CLVS1: variants seen among roughly 807,000 people sequenced by gnomAD.
CLVS1 encodes the protein clavesin 1.
Under a neutral mutation model 33.1 loss-of-function variants are expected in CLVS1, and 10 were observed. That is an observed-to-expected ratio of 0.30 (90% confidence interval 0.19 to 0.51). The LOEUF is 0.51. CLVS1 is among the 20% of genes least tolerant of loss of function. The pLI is 0.97. For missense variants in CLVS1, 343 were observed against 433.4 expected (o/e 0.79, Z 1.85); for synonymous variants, 163 against 166.1 (o/e 0.98, Z 0.14).
chr8:61,238,311 G>A (rs1452183176), intron 2 of CLVS1, among the ~76,000 whole-genome samples: 5 of 148,666 alleles, frequency 3.4e-5, no homozygotes. Flanking sequence ...CCTTTTCCTT[G>A]CCTCCCCTTC....
intron 3 of CLVS1, among the ~76,000 whole-genome samples, chr8:61,379,397 C>T (rs1210002031): frequency 2.0e-5 from 3 of 151,262 alleles, no homozygotes; most frequent in African/African-American, 7.3e-5. Flanking sequence ...CCCCCATCTC[C>T]ACCACCAAAT....
intron 3 of CLVS1, among the ~76,000 whole-genome samples, chr8:61,382,768 G>T (rs994364608): frequency 3.3e-5 from 5 of 152,134 alleles, no homozygotes; most frequent in Admixed American, 1.3e-4. Flanking sequence ...AGATGCTGCT[G>T]CTGCTGGTAC....
At chr8:61,467,082 CAT>C (rs542975045) in intron 5 of CLVS1, among the ~76,000 whole-genome samples, 6 of 152,144 alleles carry the variant, frequency 3.9e-5, no homozygotes, top group African/African-American at 9.6e-5. Context: ...TATACATGTA[CAT>C]ATATATATAA....
chr8:61,133,849 T>G (rs1806143966), intron 2 of CLVS1, among the ~76,000 whole-genome samples: 1 of 151,898 alleles, frequency 6.6e-6, no homozygotes, highest in African/African-American at 2.4e-5. Flanking sequence ...TCCTGGGAAA[T>G]ATGAGGCAGA....
intron 2 of CLVS1, among the ~76,000 whole-genome samples, chr8:61,260,445 G>A (rs557261478): frequency 3.7e-4 from 56 of 152,340 alleles, no homozygotes; most frequent in African/African-American, 1.1e-3. Context: ...TAGGCTGCTA[G>A]CAGACATCTG....
chr8:61,057,315 C>T (rs762488018), intron 1 of CLVS1: 8 of 151,762 alleles, frequency 5.3e-5, no homozygotes, highest in African/African-American at 1.5e-4. Flanking sequence ...CAGCTATCTA[C>T]TCCAGTTAGC....
chr8:61,091,079 A>G (rs1805238550), intron 1 of CLVS1, among the ~76,000 whole-genome samples: 1 of 152,184 alleles, frequency 6.6e-6, no homozygotes, highest in South Asian at 2.1e-4. Flanking sequence ...TGATTAAATT[A>G]AGGATCTTGC....
intron 2 of CLVS1, among the ~76,000 whole-genome samples, chr8:61,373,227 A>G (rs1813509385): frequency 6.6e-6 from 1 of 152,200 alleles, no homozygotes; most frequent in Admixed American, 6.5e-5. Flanking sequence ...ACTGCAGCTA[A>G]GGTAAGAGGT....
intron 2 of CLVS1, among the ~76,000 whole-genome samples, chr8:61,362,703 T>A (rs1813039155): frequency 6.6e-6 from 1 of 152,198 alleles, no homozygotes. Flanking sequence ...TGAAGATCAC[T>A]ATTAATTACA....
At chr8:61,480,444 A>G (rs999806532) in intron 5 of CLVS1, among the ~76,000 whole-genome samples, 4 of 152,194 alleles carry the variant, frequency 2.6e-5, no homozygotes, top group Admixed American at 1.3e-4. Flanking sequence ...GCGCAGTATT[A>G]GGGTGGGAGT....
chr8:61,115,950 A>T, intron 1 of CLVS1, among the ~76,000 whole-genome samples: 1 of 145,276 alleles, frequency 6.9e-6, no homozygotes, highest in Non-Finnish European at 1.5e-5. Flanking sequence ...GAATCGCCAC[A>T]CTGACTTCCA....
At chr8:61,260,958 C>T (rs190472848) in intron 2 of CLVS1, among the ~76,000 whole-genome samples, 18 of 152,286 alleles carry the variant, frequency 1.2e-4, no homozygotes, top group South Asian at 2.1e-4. Context: ...TTCAAATTCC[C>T]GGGTTTCCCT....
chr8:61,223,144 G>T (rs1808255571), intron 2 of CLVS1, among the ~76,000 whole-genome samples: 1 of 152,040 alleles, frequency 6.6e-6, no homozygotes, highest in Admixed American at 6.6e-5. Context: ...TTGCCAGTCT[G>T]TGTCTTTTAA....
At chr8:61,451,412 A>G (rs1049192455) in intron 3 of CLVS1, among the ~76,000 whole-genome samples, 1 of 152,200 alleles carries the variant, frequency 6.6e-6, no homozygotes, top group Non-Finnish European at 1.5e-5. Flanking sequence ...CATTTTTATG[A>G]TTTGAATATG....
intron 2 of CLVS1, among the ~76,000 whole-genome samples, chr8:61,207,459 C>T (rs554854821): frequency 6.6e-6 from 1 of 152,256 alleles, no homozygotes; most frequent in Admixed American, 6.5e-5. Flanking sequence ...GTGACCCCAG[C>T]ATCCTAATTC....
intron 2 of CLVS1, among the ~76,000 whole-genome samples, chr8:61,361,681 C>G (rs1783385024): frequency 6.6e-6 from 1 of 152,180 alleles, no homozygotes; most frequent in African/African-American, 2.4e-5. Context: ...GTTCCTTTAT[C>G]TCATCCACCA....
chr8:61,273,334 G>T (rs1170632682), intron 2 of CLVS1, among the ~76,000 whole-genome samples: 2 of 152,222 alleles, frequency 1.3e-5, no homozygotes. Flanking sequence ...CACTTGAGGA[G>T]GCAGTCTGCC....
intron 2 of CLVS1, among the ~76,000 whole-genome samples, chr8:61,229,826 C>T (rs1397894405): frequency 6.6e-6 from 1 of 152,170 alleles, no homozygotes; most frequent in Non-Finnish European, 1.5e-5. Flanking sequence ...GAGAAGGTTT[C>T]GCCATGGTGA....
At chr8:61,003,254 C>T in the CLVS1 span, among the ~76,000 whole-genome samples, 2 of 152,082 alleles carry the variant, frequency 1.3e-5, no homozygotes, top group Middle Eastern at 3.2e-3. Context: ...TTAGAGAGAA[C>T]ATAGGAATTA....
Sources: gnomAD v4.1 joint callset for allele counts (sites outside exome capture counted in the v4.1 genomes callset) on GRCh38, gnomAD v4.1.1 for gene constraint, MANE v1.5 for transcripts, NCBI Gene and HGNC (gene_info 2026-07-23, HGNC 2026-07-21) for gene names.